TM9SF3: variants seen among roughly 807,000 people sequenced by gnomAD.
TM9SF3 encodes the protein transmembrane 9 superfamily member 3.
A neutral mutation model predicts 78.6 loss-of-function variants in TM9SF3; 14 were observed. The ratio of observed to expected loss-of-function variants is 0.18; its 90% CI spans 0.12 to 0.28. TM9SF3 has a LOEUF of 0.28. Among genes scored for constraint, TM9SF3 ranks in the 10% least tolerant of loss-of-function variants. The pLI is 1.00. For synonymous variants in TM9SF3, 231 were observed against 241.7 expected (o/e 0.96, Z 0.41); for missense variants, 496 against 721.9 (o/e 0.69, Z 3.59).
At chr10:96,529,011 C>T (rs12761817) in intron 11 of TM9SF3, among the ~76,000 whole-genome samples, 28,034 of 152,014 alleles carry the variant, frequency 0.18, 2,843 homozygotes, top group Admixed American at 0.3. Flanking sequence ...GTTGAAGAAA[C>T]AGCAGAGAAG....
intron 2 of TM9SF3, among the ~76,000 whole-genome samples, chr10:96,575,038 G>A (rs534859697): frequency 1.3e-4 from 20 of 151,588 alleles, no homozygotes; most frequent in African/African-American, 3.2e-4. Context: ...AAAACTGCAC[G>A]TTCTGCACAA....
At chr10:96,572,266 G>C (rs751282277) in intron 2 of TM9SF3, among the ~76,000 whole-genome samples, 1 of 151,732 alleles carries the variant, frequency 6.6e-6, no homozygotes, top group East Asian at 1.9e-4. Flanking sequence ...CTGACACTTC[G>C]ATCAAATAAA....
intron 11 of TM9SF3, among the ~76,000 whole-genome samples, chr10:96,529,797 G>A (rs1847876828): frequency 6.6e-6 from 1 of 152,118 alleles, no homozygotes; most frequent in South Asian, 2.1e-4. Context: ...TACCATACAG[G>A]AGACAATCAG....
At chr10:96,534,066 T>C (rs1265555418) in intron 9 of TM9SF3, among the ~76,000 whole-genome samples, 1 of 151,316 alleles carries the variant, frequency 6.6e-6, no homozygotes, top group Non-Finnish European at 1.5e-5. Flanking sequence ...AAAAACTGAA[T>C]GAAACATGTG....
In TM9SF3 at chr10:96,519,329, A is replaced by G. The variant is rs760336956; in HGVS notation, c.*2934T>C. The G allele has an allele frequency of 4.6e-5, 7 of 152,006 alleles. No individual in the cohort carries two copies. Among genetic ancestry groups the G allele is most frequent in the Non-Finnish European group, 1.0e-4 (7 of 67,894 alleles). The allele number at this position is 152,006 out of a possible 1,614,324, so 9.4% of individuals were successfully genotyped here. ...TGGAAAACACCCAAGCATACCATTC[A>G]CTAGGTTCGGATATCACCATAATAT... On this transcript the variant is annotated 3_prime_UTR_variant, in exon 15 of 15. Transcript: ENST00000371142.
At chr10:96,568,273 A>G (rs982725884) in intron 2 of TM9SF3, among the ~76,000 whole-genome samples, 3 of 152,232 alleles carry the variant, frequency 2.0e-5, no homozygotes, top group Non-Finnish European at 4.4e-5. Flanking sequence ...AGCACTCTAT[A>G]TATCTGGAAA....
rs557412442 is a variant in TM9SF3, at chr10:96,519,306, G to C, written c.*2957C>G. 3 of 151,850 alleles carry C rather than the reference G, an allele frequency of 2.0e-5. No homozygotes were observed. The highest frequency in any genetic ancestry group is 4.4e-5 in the Non-Finnish European group (3 of 67,858). The allele number at this position is 151,850 out of a possible 1,614,324, so 9.4% of individuals were successfully genotyped here. A position where few individuals can be genotyped will look rare whatever the true frequency, so the allele number is the denominator to read the frequency against. ...TAAAGAGGTCCATCCACTCTCAATGGAAAACACCCAAGCATACCATTCACT... is the reference window on the plus strand; with the variant it reads ...TAAAGAGGTCCATCCACTCTCAATGCAAAACACCCAAGCATACCATTCACT... On this transcript the variant is annotated 3_prime_UTR_variant, in exon 15 of 15. Coordinates refer to ENST00000371142, the MANE Select transcript of TM9SF3 (RefSeq NM_020123.4).
At chr10:96,527,848 A>C (rs1472025734) in intron 12 of TM9SF3, among the ~76,000 whole-genome samples, 183 bp downstream of exon 12, 1 of 152,172 alleles carries the variant, frequency 6.6e-6, no homozygotes, top group Non-Finnish European at 1.5e-5. Context: ...CCATTAATAC[A>C]TTAAAAATTT....
intron 2 of TM9SF3, among the ~76,000 whole-genome samples, chr10:96,570,343 TTAATGG>T (rs1848425598): frequency 6.6e-6 from 1 of 152,210 alleles, no homozygotes; most frequent in Non-Finnish European, 1.5e-5. Flanking sequence ...CAACAAAATG[TTAATGG>T]TAATTATATC....
rs540267219 is a variant in TM9SF3, at chr10:96,570,293, A to G, written c.299-4867T>C. 8.5e-5 allele frequency among the ~76,000 whole-genome samples: 13 copies of G among 152,344 alleles called. No individual in the cohort carries two copies. The East Asian group carries it at 2.5e-3, about 29-fold the overall frequency. ...AACTCAACTTTCACATATTTAAAACAATGTGGATAAACACAAACACAGAAG... is the reference window on the plus strand; with the variant it reads ...AACTCAACTTTCACATATTTAAAACGATGTGGATAAACACAAACACAGAAG... On this transcript the variant is annotated intron_variant, in intron 2 of 14. Coordinates refer to ENST00000371142, the MANE Select transcript of TM9SF3 (RefSeq NM_020123.4).
Position 96,576,790 on chromosome 10 carries a change from C to G in TM9SF3, c.142G>C (p.Val48Leu). 1 of 1,571,252 alleles carries G rather than the reference C, an allele frequency of 6.4e-7. No homozygotes were observed. ...TCTTGACGATTATGGTAGGGCCCAA[C>G]AGTATTCATCCATAAGACAACTTCC... ...KEEVVLWMNT[V>L]GPYHNRQETY... Residue 48 changes from valine (V) to leucine (L), a missense_variant, in exon 2 of 15, where the codon GTT becomes CTT. Transcript: ENST00000371142.
intron 9 of TM9SF3, among the ~76,000 whole-genome samples, chr10:96,541,726 C>T (rs994917496): frequency 6.6e-6 from 1 of 152,038 alleles, no homozygotes; most frequent in Non-Finnish European, 1.5e-5. Context: ...TGAAGATCAC[C>T]CAGAAAAAGG....
intron 8 of TM9SF3, 93 bp from the exon 9 acceptor site, chr10:96,544,299 A>G: frequency 8.7e-7 from 1 of 1,144,132 alleles, no homozygotes; most frequent in Non-Finnish European, 1.2e-6. Context: ...GAAATTTAAC[A>G]TCTTAATAAT....
intron 4 of TM9SF3, chr10:96,560,687 C>T (rs148043303): frequency 0.014 from 8,393 of 585,278 alleles, 126 homozygotes; most frequent in Non-Finnish European, 0.017. Context: ...ATGATGATGA[C>T]GATTTTGATG....
chr10:96,583,621 G>A lies in TM9SF3; in HGVS notation c.102+3113C>T, dbSNP rs116104147. On this transcript the variant is annotated intron_variant, in intron 1 of 14. Coordinates refer to ENST00000371142, the MANE Select transcript of TM9SF3 (RefSeq NM_020123.4). ...AATCCCACCTCTACCCCTACCAGAT[G>A]TGTGTTATCTGCAGGTGACCTCACC... Among the ~76,000 whole-genome samples the A allele has an allele frequency of 2.7e-3, 418 of 152,294 alleles. 3 individuals carry two copies. The highest frequency in any genetic ancestry group is 9.9e-3 in the African/African-American group (410 of 41,562).
At chr10:96,573,202 T>C (rs961278520) in intron 2 of TM9SF3, among the ~76,000 whole-genome samples, 4 of 152,190 alleles carry the variant, frequency 2.6e-5, no homozygotes, top group African/African-American at 9.7e-5. Context: ...ACAAGAGACA[T>C]AATGTTCCAG....
intron 1 of TM9SF3, among the ~76,000 whole-genome samples, chr10:96,582,093 C>T (rs1050426163): frequency 4.6e-5 from 7 of 151,584 alleles, no homozygotes; most frequent in Non-Finnish European, 7.4e-5. Context: ...ACAGTGCTTG[C>T]GTATATAACA....
chr10:96,586,714 C>G lies in TM9SF3; in HGVS notation c.102+20G>C. The G allele has an allele frequency of 1.6e-6, 2 of 1,222,378 alleles. No individual in the cohort carries two copies. Among genetic ancestry groups the G allele is most frequent in the Non-Finnish European group, 2.0e-6 (2 of 981,544 alleles). 75.7% of individuals were successfully genotyped at this position (1,222,378 alleles called of 1,614,324 possible). On this transcript the variant is annotated intron_variant, in intron 1 of 14. Transcript: ENST00000371142. Reference sequence around the variant, plus strand: ...CTGGGGAGCTAGCCCGGGGCGGCCGCGCCGGCCGGGGCGCCTCACCGTGTG... The same window carrying G: ...CTGGGGAGCTAGCCCGGGGCGGCCGGGCCGGCCGGGGCGCCTCACCGTGTG...
intron 14 of TM9SF3, 80 bp downstream of exon 14, chr10:96,527,133 C>A (rs996235126): frequency 9.6e-6 from 12 of 1,248,346 alleles, no homozygotes; most frequent in African/African-American, 1.5e-5. Flanking sequence ...GATAAAATTT[C>A]TTAATTTCCA....
Sources: allele counts gnomAD v4.1 joint callset (sites outside exome capture counted in the v4.1 genomes callset), GRCh38; gene constraint gnomAD v4.1.1; transcripts MANE v1.5; gene names NCBI Gene and HGNC (gene_info 2026-07-23, HGNC 2026-07-21).